The following MINDY2 variants were observed in gnomAD, a reference collection of about 807,000 sequenced individuals.
The protein encoded by MINDY2 is ubiquitin carboxyl-terminal hydrolase MINDY-2.
Under a neutral mutation model 68.2 loss-of-function variants are expected in MINDY2, and 52 were observed. The ratio of observed to expected loss-of-function variants is 0.76; its 90% CI spans 0.61 to 0.96. The LOEUF is 0.96. MINDY2 is among the 40% of genes least tolerant of loss of function. The probability of loss-of-function intolerance (pLI) is 0.00; values close to 1 mark genes in which losing one functional copy is unlikely to be tolerated. For missense variants in MINDY2, 881 were observed against 773.4 expected (o/e 1.14, Z -1.65); for synonymous variants, 372 against 303.0 (o/e 1.23, Z -2.36).
intron 1 of MINDY2, among the ~76,000 whole-genome samples, chr15:58,783,553 AC>A (rs2140908525): frequency 6.6e-6 from 1 of 152,324 alleles, no homozygotes; most frequent in South Asian, 2.1e-4. Context: ...GATTTCACTT[AC>A]AGTTTAAACA....
At chr15:58,817,430 G>A (rs1428442641) in intron 4 of MINDY2, among the ~76,000 whole-genome samples, 1 of 152,140 alleles carries the variant, frequency 6.6e-6, no homozygotes, top group African/African-American at 2.4e-5. Context: ...ACATTTAAAA[G>A]TCTGATGGTA....
At chr15:58,794,802 G>A (rs1384951785) in intron 2 of MINDY2, among the ~76,000 whole-genome samples, 2 of 152,066 alleles carry the variant, frequency 1.3e-5, no homozygotes, top group Non-Finnish European at 2.9e-5. Flanking sequence ...GAATACCTAG[G>A]GAATTTGCTA....
At chr15:58,788,573 A>G (rs1901662511) in intron 2 of MINDY2, among the ~76,000 whole-genome samples, 1 of 152,250 alleles carries the variant, frequency 6.6e-6, no homozygotes, top group South Asian at 2.1e-4. Context: ...TAGACTGGCT[A>G]CATTGAGTTG....
At chr15:58,797,047 T>G (rs1426861852) in intron 2 of MINDY2, among the ~76,000 whole-genome samples, 1 of 152,146 alleles carries the variant, frequency 6.6e-6, no homozygotes, top group African/African-American at 2.4e-5. Context: ...AGCCACTAGG[T>G]ACATGTGGTT....
chr15:58,775,329 G>C (rs1017962956), intron 1 of MINDY2, among the ~76,000 whole-genome samples: 4 of 152,176 alleles, frequency 2.6e-5, no homozygotes, highest in Admixed American at 2.6e-4. Flanking sequence ...GGAACAAAAA[G>C]TTTGAGAAAT....
rs1567084622 is a variant in MINDY2 at position 58,859,751 on chromosome 15, C to G, written c.*5141C>G. 6.6e-6 allele frequency: 1 copy of G among 152,072 alleles called. No individual in the cohort carries two copies. The highest frequency in any genetic ancestry group is 1.5e-5 in the Non-Finnish European group (1 of 68,002). The allele number at this position is 152,072 out of a possible 1,614,324, so 9.4% of individuals were successfully genotyped here. The stretch of plus-strand genomic sequence containing the variant: ...AGTTCATGCATGTTCTTACTTAATC[C>G]TGGTGTTTTTGCTCTTAGATGTTAG... On this transcript the variant is annotated 3_prime_UTR_variant, in exon 9 of 9. Transcript: ENST00000559228.
intron 6 of MINDY2, among the ~76,000 whole-genome samples, chr15:58,836,945 A>G (rs1049613943): frequency 1.3e-5 from 2 of 152,160 alleles, no homozygotes; most frequent in Non-Finnish European, 2.9e-5. Flanking sequence ...ATAAGGGTCA[A>G]AAGCACGTCT....
intron 1 of MINDY2, among the ~76,000 whole-genome samples, chr15:58,787,140 C>CTTTTTT (rs58374538): frequency 9.2e-4 from 72 of 78,114 alleles, no homozygotes; most frequent in Middle Eastern, 0.015. Flanking sequence ...CATTTCTTTA[C>CTTTTTT]TTTTTTTTTT....
chr15:58,809,541 T>A (rs897972833), intron 3 of MINDY2, among the ~76,000 whole-genome samples: 28 of 152,346 alleles, frequency 1.8e-4, no homozygotes, highest in African/African-American at 5.1e-4. Context: ...TACAACTATC[T>A]CTTCAAGATC....
intron 6 of MINDY2, among the ~76,000 whole-genome samples, chr15:58,841,551 G>A (rs940800996): frequency 4.6e-5 from 7 of 151,778 alleles, no homozygotes; most frequent in Non-Finnish European, 8.8e-5. Flanking sequence ...GATTACAGGT[G>A]CATACCACCA....
At chr15:58,834,892 C>A (rs1337835517) in intron 6 of MINDY2, among the ~76,000 whole-genome samples, 1 of 152,152 alleles carries the variant, frequency 6.6e-6, no homozygotes, top group East Asian at 1.9e-4. Flanking sequence ...TGTATAACTT[C>A]AACATTTTAG....
At chr15:58,821,485 A>C (rs2031057814) in intron 4 of MINDY2, among the ~76,000 whole-genome samples, 2 of 152,108 alleles carry the variant, frequency 1.3e-5, no homozygotes, top group Admixed American at 1.3e-4. Flanking sequence ...ATTTAATCTT[A>C]TTTTGCATAA....
intron 2 of MINDY2, among the ~76,000 whole-genome samples, chr15:58,789,697 G>T (rs1855670479): frequency 6.6e-6 from 1 of 151,884 alleles, no homozygotes. Flanking sequence ...TCTCAGGCTG[G>T]AGTGCAATGG....
At chr15:58,828,606 G>A (rs1374986721) in intron 5 of MINDY2, among the ~76,000 whole-genome samples, 2 of 127,852 alleles carry the variant, frequency 1.6e-5, no homozygotes, top group Admixed American at 1.8e-4. Flanking sequence ...TTGTCACCCA[G>A]GCTGGAGTGC....
At position 58,844,523 on chromosome 15, in the gene MINDY2, G is replaced by C. The variant is rs187643089; in HGVS notation, c.1369-2774G>C. Among the ~76,000 whole-genome samples, 3 of 134,706 alleles carry C rather than the reference G, an allele frequency of 2.2e-5. No individual in the cohort carries two copies. The East Asian group carries it at 6.8e-4, about 31-fold the overall frequency. 88.4% of individuals were successfully genotyped at this position (134,706 alleles called of 152,430 possible). A position where few individuals can be genotyped will look rare whatever the true frequency, so the allele number is the denominator to read the frequency against. On this transcript the variant is annotated intron_variant, in intron 6 of 8. Coordinates refer to ENST00000559228, the MANE Select transcript of MINDY2 (RefSeq NM_001040450.3). The stretch of plus-strand genomic sequence containing the variant: ...GCCAAGATTGTGCCACTGCACTCCA[G>C]TACTCCAGCCTGGGCGACAGAGCGA...
chr15:58,790,376 T>G (rs1470135840), intron 2 of MINDY2, among the ~76,000 whole-genome samples: 2 of 152,190 alleles, frequency 1.3e-5, no homozygotes, highest in Non-Finnish European at 2.9e-5. Flanking sequence ...CCAATATGAC[T>G]GTCAAGGAGT....
rs539905735 is a variant in MINDY2, at chr15:58,789,600, C to T, written c.898+1637C>T. Among the ~76,000 whole-genome samples, 13 of 150,070 alleles carry T rather than the reference C, an allele frequency of 8.7e-5. No homozygotes were observed. The South Asian group carries it at 1.5e-3, about 17-fold the overall frequency. On this transcript the variant is annotated intron_variant, in intron 2 of 8. Transcript: ENST00000559228. Reference sequence around the variant, plus strand: ...AGCCTCCCGAGTAACTGGGACTGCACGCACATGCTACCACACCCAGCTAAT... The same window carrying T: ...AGCCTCCCGAGTAACTGGGACTGCATGCACATGCTACCACACCCAGCTAAT...
intron 6 of MINDY2, among the ~76,000 whole-genome samples, chr15:58,842,359 T>C (rs1396440236): frequency 6.6e-6 from 1 of 152,138 alleles, no homozygotes; most frequent in Non-Finnish European, 1.5e-5. Context: ...AAAAGTAGTT[T>C]AGAAGGAGGT....
chr15:58,774,492 GA>G (rs11385535), intron 1 of MINDY2, among the ~76,000 whole-genome samples: 2,665 of 92,874 alleles, frequency 0.029, 50 homozygotes, highest in African/African-American at 0.08. Flanking sequence ...CCCAAAAAAA[GA>G]AAAAAAAAAA....
Sources: allele counts gnomAD v4.1 joint callset (sites outside exome capture counted in the v4.1 genomes callset), GRCh38; gene constraint gnomAD v4.1.1; transcripts MANE v1.5; gene names NCBI Gene and HGNC (gene_info 2026-07-23, HGNC 2026-07-21).